DMD: variants seen among roughly 807,000 people sequenced by gnomAD.
DMD encodes the protein dystrophin.
Under a neutral mutation model 330.1 loss-of-function variants are expected in DMD, and 63 were observed. The observed-to-expected ratio is 0.19, with a 90% CI of 0.16 to 0.24. DMD has a LOEUF of 0.24. Among genes scored for constraint, DMD ranks in the 10% least tolerant of loss-of-function variants. The pLI, the probability that DMD is intolerant of heterozygous loss-of-function variation, is 1.00. For missense variants in DMD, 3,344 were observed against 2,684.1 expected (o/e 1.25, Z -5.43); for synonymous variants, 1,223 against 959.8 (o/e 1.27, Z -5.07).
At chrX:33,282,389 T>C (rs937861790) in intron 1 of DMD, among the ~76,000 whole-genome samples, 2 of 111,349 alleles carry the variant, frequency 1.8e-5, no homozygotes, top group Non-Finnish European at 3.8e-5. Flanking sequence ...TAGTACCCTG[T>C]GGCTGCCCCA....
chrX:32,042,713 A>G (rs977899273), intron 44 of DMD, among the ~76,000 whole-genome samples: 17 of 112,222 alleles, frequency 1.5e-4, no homozygotes, highest in Non-Finnish European at 2.6e-4. Flanking sequence ...GAGGTTGCCT[A>G]CGGCTGTACA....
intron 59 of DMD, among the ~76,000 whole-genome samples, chrX:31,451,016 A>G (rs1288939251): frequency 9.0e-6 from 1 of 111,020 alleles, no homozygotes; most frequent in Non-Finnish European, 1.9e-5. Flanking sequence ...GGGCACCAAC[A>G]GCATCCATTA....
At chrX:32,355,783 T>G (rs2097796942) in intron 37 of DMD, among the ~76,000 whole-genome samples, 1 of 111,239 alleles carries the variant, frequency 9.0e-6, no homozygotes, top group African/African-American at 3.3e-5. Context: ...CTGAAGATAT[T>G]AGTTGTAAAT....
chrX:32,373,938 G>T (rs1338153501), intron 34 of DMD, among the ~76,000 whole-genome samples: 1 of 111,373 alleles, frequency 9.0e-6, no homozygotes, highest in Admixed American at 9.5e-5. Context: ...ATGTAATCAT[G>T]GTCACCCTAT....
chrX:32,147,972 G>T (rs1263435863), intron 44 of DMD, among the ~76,000 whole-genome samples: 1 of 106,560 alleles, frequency 9.4e-6, no homozygotes. Flanking sequence ...CCACCTCCCG[G>T]GTTCACGCCA....
chrX:32,221,465 AAGT>A (rs1441061730), intron 43 of DMD, among the ~76,000 whole-genome samples: 1 of 111,841 alleles, frequency 8.9e-6, no homozygotes. Flanking sequence ...ACCAATTATG[AAGT>A]ACTTACCTCC....
chrX:33,149,366 G>A (rs2048174185), intron 1 of DMD, among the ~76,000 whole-genome samples: 1 of 111,598 alleles, frequency 9.0e-6, no homozygotes, highest in African/African-American at 3.3e-5. Flanking sequence ...TGATCTGACA[G>A]GAGGCAGGGT....
At chrX:31,148,038 T>C (rs376028404) in intron 74 of DMD, among the ~76,000 whole-genome samples, 1 of 110,973 alleles carries the variant, frequency 9.0e-6, no homozygotes, top group East Asian at 2.8e-4. Context: ...GAAAGAAAAG[T>C]TAACAGCCAA....
At chrX:33,169,940 T>C (rs1466199939) in intron 1 of DMD, among the ~76,000 whole-genome samples, 3 of 110,890 alleles carry the variant, frequency 2.7e-5, no homozygotes, top group Non-Finnish European at 5.7e-5. Flanking sequence ...TAGACTTCCA[T>C]GTAACCAATG....
chrX:32,308,626 G>T (rs331313), intron 42 of DMD, among the ~76,000 whole-genome samples: 14 of 109,965 alleles, frequency 1.3e-4, no homozygotes, highest in African/African-American at 4.6e-4. Flanking sequence ...ATTATAAACC[G>T]CAGTAATCAA....
chrX:33,098,243 CT>C (rs1045669906), intron 1 of DMD, among the ~76,000 whole-genome samples: 3 of 111,586 alleles, frequency 2.7e-5, no homozygotes, highest in African/African-American at 9.8e-5. Context: ...CCTATAATAG[CT>C]TTTTAAATAT....
intron 50 of DMD, among the ~76,000 whole-genome samples, chrX:31,812,833 T>C (rs1276422201): frequency 8.9e-6 from 1 of 112,033 alleles, no homozygotes; most frequent in Non-Finnish European, 1.9e-5. Flanking sequence ...CTTGGTTATC[T>C]CATCTATAAA....
At chrX:33,069,556 C>G (rs750560077) in intron 1 of DMD, among the ~76,000 whole-genome samples, 1 of 111,591 alleles carries the variant, frequency 9.0e-6, no homozygotes, top group Non-Finnish European at 1.9e-5. Flanking sequence ...TAGCCTAACA[C>G]CTGCTGCTAT....
At chrX:32,593,669 A>C (rs779338547) in intron 13 of DMD, among the ~76,000 whole-genome samples, 106 of 112,160 alleles carry the variant, frequency 9.5e-4, no homozygotes, top group African/African-American at 3.2e-3. Flanking sequence ...CCTGGGACAT[A>C]GTAAGAACAT....
intron 1 of DMD, among the ~76,000 whole-genome samples, chrX:33,239,691 T>C (rs1370357276): frequency 8.9e-6 from 1 of 111,874 alleles, no homozygotes; most frequent in Non-Finnish European, 1.9e-5. Flanking sequence ...TACATATACA[T>C]TGTGATATGG....
intron 41 of DMD, among the ~76,000 whole-genome samples, chrX:32,316,044 C>T (rs780584948): frequency 9.0e-5 from 10 of 111,149 alleles, no homozygotes; most frequent in African/African-American, 2.9e-4. Context: ...GAAATATTAG[C>T]CATTGAACTG....
intron 1 of DMD, among the ~76,000 whole-genome samples, chrX:33,178,067 C>T (rs1195146022): frequency 8.9e-6 from 1 of 112,188 alleles, no homozygotes; most frequent in Non-Finnish European, 1.9e-5. Flanking sequence ...GAATCAGAAT[C>T]TAAAGTATTG....
intron 9 of DMD, among the ~76,000 whole-genome samples, chrX:32,654,745 C>A (rs750585606): frequency 3.6e-5 from 4 of 111,603 alleles, no homozygotes; most frequent in Non-Finnish European, 7.5e-5. Flanking sequence ...CTTCCTTGTA[C>A]CTCTGGTAGA....
chrX:31,495,064 T>C (rs917806091), intron 57 of DMD, among the ~76,000 whole-genome samples: 2 of 111,574 alleles, frequency 1.8e-5, no homozygotes, highest in African/African-American at 6.5e-5. Context: ...CCATTACATT[T>C]CACCCTACCA....
Sources: gnomAD v4.1 joint callset for allele counts (sites outside exome capture counted in the v4.1 genomes callset) on GRCh38, gnomAD v4.1.1 for gene constraint, MANE v1.5 for transcripts, NCBI Gene and HGNC (gene_info 2026-07-23, HGNC 2026-07-21) for gene names.